The following DYNC2I1 variants were observed in gnomAD, a reference collection of about 807,000 sequenced individuals.
The protein encoded by DYNC2I1 is dynein 2 intermediate chain 1.
Under a neutral mutation model 133.4 loss-of-function variants are expected in DYNC2I1, and 89 were observed. That is an observed-to-expected ratio of 0.67 (90% CI 0.56 to 0.80). The LOEUF is 0.80. DYNC2I1 is among the 30% of genes least tolerant of loss of function. DYNC2I1 has a pLI of 0.00. For synonymous variants in DYNC2I1, 504 were observed against 484.3 expected, an observed-to-expected ratio of 1.04 and a Z score of -0.54; for missense variants, 1,291 against 1,314.5, an observed-to-expected ratio of 0.98 and a Z score of 0.28.
Position 158,926,270 on chromosome 7 carries a change from T to C in DYNC2I1, c.2341T>C (p.Phe781Leu). The part of the protein sequence containing the change: ...ISTSVHKKQS[F>L]VLSPFSTQEE... ...AACGTCCGTCCACAAAAAGCAGAGC[T>C]TTGTGCTTTCACCCTTTTCTACTCA... is the stretch of plus-strand genomic sequence containing the variant. Residue 781 changes from phenylalanine (F) to leucine (L), a missense_variant, in exon 18 of 25, where the codon TTT becomes CTT. Phe to Leu is a conservative substitution (Grantham distance 22). Transcript: ENST00000407559. 6.2e-7 allele frequency: 1 copy of C among 1,613,222 alleles called. No homozygotes were observed. Among genetic ancestry groups the C allele is most frequent in the Middle Eastern group, 1.7e-4 (1 of 6,060 alleles).
At chr7:158,888,952 C>T (rs922032448) in intron 7 of DYNC2I1, among the ~76,000 whole-genome samples, 4 of 151,390 alleles carry the variant, frequency 2.6e-5, no homozygotes, top group African/African-American at 4.9e-5. Context: ...AAAAAAATAC[C>T]TACAAATATT....
At chr7:158,949,571 G>A (rs556013606), downstream of DYNC2I1, among the ~76,000 whole-genome samples, 2 of 152,180 alleles carry the variant, frequency 1.3e-5, no homozygotes, top group African/African-American at 4.8e-5. Flanking sequence ...ACGAATCATC[G>A]CACAGCAGCA....
Position 158,888,541 on chromosome 7 carries a change from A to AG in DYNC2I1, c.990+1467dup, listed in dbSNP as rs1844848721. 2.0e-5 allele frequency among the ~76,000 whole-genome samples: 3 copies of AG among 151,096 alleles called. No individual in the cohort carries two copies. The South Asian group carries it at 6.3e-4, about 32-fold the overall frequency. ...GGCTGGAGTGCAGTGGCGTGATCTCAGCTCACCTCAACCTCTGCCTCCTGG... is the reference window on the plus strand; with the variant it reads ...GGCTGGAGTGCAGTGGCGTGATCTCAGGCTCACCTCAACCTCTGCCTCCTGG... On this transcript the variant is annotated intron_variant, in intron 7 of 24. Coordinates refer to ENST00000407559, the MANE Select transcript of DYNC2I1 (RefSeq NM_018051.5).
At chr7:158,935,068 G>A (rs1305109317) in intron 23 of DYNC2I1, among the ~76,000 whole-genome samples, 1 of 152,204 alleles carries the variant, frequency 6.6e-6, no homozygotes, top group Non-Finnish European at 1.5e-5. Flanking sequence ...CAAAACCTAT[G>A]ATACAGCCAA....
intron 20 of DYNC2I1, among the ~76,000 whole-genome samples, chr7:158,929,499 C>G (rs60080125): frequency 2.5e-3 from 381 of 151,920 alleles, no homozygotes; most frequent in African/African-American, 8.1e-3. Flanking sequence ...TGGGAGGACC[C>G]GGCCAGAAAA....
chr7:158,925,051 C>T (rs762304583), intron 17 of DYNC2I1, among the ~76,000 whole-genome samples: 7 of 152,128 alleles, frequency 4.6e-5, no homozygotes, highest in East Asian at 1.9e-4. Flanking sequence ...CCACCGCACC[C>T]GGCCTTGTCT....
intron 1 of DYNC2I1, among the ~76,000 whole-genome samples, chr7:158,857,622 C>A (rs1220025946): frequency 6.7e-6 from 1 of 149,782 alleles, no homozygotes; most frequent in Non-Finnish European, 1.5e-5. Flanking sequence ...ACTGCAACCT[C>A]CGACTCCAGG....
chr7:158,933,177 G>A (rs530664215), intron 21 of DYNC2I1, among the ~76,000 whole-genome samples: 31 of 152,308 alleles, frequency 2.0e-4, no homozygotes, highest in Admixed American at 7.2e-4. Context: ...TGTGGGTGTG[G>A]CAGATGGAGC....
intron 21 of DYNC2I1, among the ~76,000 whole-genome samples, chr7:158,931,051 T>C (rs955175166): frequency 5.3e-5 from 8 of 152,206 alleles, no homozygotes; most frequent in African/African-American, 1.9e-4. Context: ...GTAGAGGTTA[T>C]TTTCTTTTAA....
intron 3 of DYNC2I1, 113 bp downstream of exon 3, chr7:158,871,675 C>T: frequency 8.0e-7 from 1 of 1,252,852 alleles, no homozygotes; most frequent in Non-Finnish European, 1.1e-6. Context: ...CCTCCTTCCC[C>T]TTTCCTTTTT....
At chr7:158,950,992 T>C (rs1363709981), downstream of DYNC2I1, among the ~76,000 whole-genome samples, 1 of 152,180 alleles carries the variant, frequency 6.6e-6, no homozygotes, top group Non-Finnish European at 1.5e-5. Flanking sequence ...TATATATGAT[T>C]CCAGTTGTGA....
At chr7:158,895,807 G>A (rs952270336) in intron 8 of DYNC2I1, among the ~76,000 whole-genome samples, 5 of 152,284 alleles carry the variant, frequency 3.3e-5, no homozygotes, top group South Asian at 2.1e-4. Context: ...TTGCTTAGCA[G>A]AGCTTTATAA....
chr7:158,882,847 G>T (rs539887266), intron 5 of DYNC2I1, among the ~76,000 whole-genome samples: 1 of 145,874 alleles, frequency 6.9e-6, no homozygotes, highest in South Asian at 2.2e-4. Flanking sequence ...CTGCACTCCA[G>T]ACTGGAGGAC....
chr7:158,949,074 CGA>C (rs1373682044), downstream of DYNC2I1, among the ~76,000 whole-genome samples: 6 of 152,176 alleles, frequency 3.9e-5, no homozygotes, highest in Non-Finnish European at 7.4e-5. Flanking sequence ...CGTCTGCCCC[CGA>C]GAGAGCAGTT....
At chr7:158,891,943 G>C (rs1359933029) in intron 8 of DYNC2I1, among the ~76,000 whole-genome samples, 1 of 145,270 alleles carries the variant, frequency 6.9e-6, no homozygotes, top group African/African-American at 2.5e-5. Context: ...AATTGCGGAC[G>C]GGGCCTCTGA....
At chr7:158,921,938 G>GCGCTCAGC (rs560448431) in intron 15 of DYNC2I1, among the ~76,000 whole-genome samples, 346 of 152,334 alleles carry the variant, frequency 2.3e-3, no homozygotes, top group African/African-American at 6.6e-3. Context: ...GTCTGGAACG[G>GCGCTCAGC]CGCTCAGCCG....
intron 8 of DYNC2I1, among the ~76,000 whole-genome samples, chr7:158,898,055 A>G (rs1031408854): frequency 6.6e-6 from 1 of 151,986 alleles, no homozygotes; most frequent in Non-Finnish European, 1.5e-5. Flanking sequence ...TTTTCCAGTT[A>G]TTTTTCTGTT....
upstream of DYNC2I1, among the ~76,000 whole-genome samples, chr7:158,853,177 C>G (rs1841093717): frequency 6.6e-6 from 1 of 152,180 alleles, no homozygotes; most frequent in Non-Finnish European, 1.5e-5. Flanking sequence ...GGTGTTGCCT[C>G]TGACAAATGT....
chr7:158,942,765 C>T (rs1255919655), intron 24 of DYNC2I1, among the ~76,000 whole-genome samples: 1 of 152,230 alleles, frequency 6.6e-6, no homozygotes, highest in Admixed American at 6.5e-5. Flanking sequence ...ACACTAAAGC[C>T]ATTCCAGCCC....
Sources: allele counts gnomAD v4.1 joint callset (sites outside exome capture counted in the v4.1 genomes callset), GRCh38; gene constraint gnomAD v4.1.1; transcripts MANE v1.5; gene names NCBI Gene and HGNC (gene_info 2026-07-23, HGNC 2026-07-21).